CCDC60: variants seen among roughly 807,000 people sequenced by gnomAD.
CCDC60 encodes the protein coiled-coil domain containing 60.
Under a neutral mutation model 63.5 loss-of-function variants are expected in CCDC60, and 54 were observed. The ratio of observed to expected loss-of-function variants is 0.85; its 90% CI spans 0.68 to 1.07. The LOEUF (loss-of-function observed/expected upper bound fraction) is 1.07. Among genes scored for constraint, CCDC60 ranks in the 50% least tolerant of loss-of-function variants. CCDC60 has a pLI of 0.00. For synonymous variants in CCDC60, 206 were observed against 238.8 expected (o/e 0.86, Z 1.27); for missense variants, 651 against 684.3 (o/e 0.95, Z 0.54).
At chr12:119,451,821 A>C (rs1232374810) in intron 2 of CCDC60, among the ~76,000 whole-genome samples, 1 of 152,218 alleles carries the variant, frequency 6.6e-6, no homozygotes, top group Non-Finnish European at 1.5e-5. Context: ...AGAGATTTAG[A>C]TTAGATAAAT....
Position 119,472,156 on chromosome 12 carries a change from C to T in CCDC60, c.333C>T (p.Thr111=), listed in dbSNP as rs17482508. ...EKISEIHYGD[T]LLSTYDDEKL... is the part of the protein sequence containing the mutation. ...TCTCAGAAATCCACTATGGGGACACCTTATTGAGGTAAGTGGATGCAGTAG... is the reference window on the plus strand; with the variant it reads ...TCTCAGAAATCCACTATGGGGACACTTTATTGAGGTAAGTGGATGCAGTAG... The change falls in exon 3 of 14, where the codon ACC becomes ACT. Residue 111 remains threonine (T), a synonymous_variant. Coordinates refer to ENST00000327554, the MANE Select transcript of CCDC60 (RefSeq NM_178499.5). The T allele has an allele frequency of 0.029, 47,155 of 1,613,400 alleles. 865 individuals are homozygous for T. Among genetic ancestry groups the T allele is most frequent in the Non-Finnish European group, 0.034 (40,255 of 1,179,612 alleles).
chr12:119,535,639 A>G (rs964407573), intron 13 of CCDC60, among the ~76,000 whole-genome samples: 2 of 152,194 alleles, frequency 1.3e-5, no homozygotes, highest in African/African-American at 4.8e-5. Context: ...GGTTTCAAAG[A>G]ACATCTTTAT....
intron 9 of CCDC60, among the ~76,000 whole-genome samples, chr12:119,521,842 G>A (rs1952538519): frequency 6.6e-6 from 1 of 152,200 alleles, no homozygotes. Flanking sequence ...TTCATCTGCA[G>A]GGATTAGGGC....
At chr12:119,479,315 G>T in intron 4 of CCDC60, 114 bp downstream of exon 4, 1 of 690,770 alleles carries the variant, frequency 1.4e-6, no homozygotes, top group Non-Finnish European at 2.5e-6. Flanking sequence ...TCTTGAAAGG[G>T]ACATGGAGCC....
intron 7 of CCDC60, among the ~76,000 whole-genome samples, chr12:119,507,769 T>C (rs986027624): frequency 2.6e-5 from 4 of 151,432 alleles, no homozygotes; most frequent in Non-Finnish European, 5.9e-5. Context: ...TGATTCTTCT[T>C]TCATTTAACA....
At chr12:119,345,308 C>T (rs1955579851) in intron 1 of CCDC60, among the ~76,000 whole-genome samples, 1 of 152,100 alleles carries the variant, frequency 6.6e-6, no homozygotes, top group Admixed American at 6.5e-5. Context: ...TCGAGACCAG[C>T]CTGATCAACA....
At chr12:119,411,073 C>G (rs1037371135) in intron 1 of CCDC60, among the ~76,000 whole-genome samples, 56 of 152,216 alleles carry the variant, frequency 3.7e-4, no homozygotes, top group African/African-American at 1.3e-3. Context: ...AACATGGGAG[C>G]CTTCAGAAAT....
Position 119,428,744 on chromosome 12 carries a change from A to G in CCDC60, c.152A>G (p.Lys51Arg). The G allele has an allele frequency of 1.2e-6, 2 of 1,602,210 alleles. No individual in the cohort carries two copies. The highest frequency in any genetic ancestry group is 1.3e-5 in the African/African-American group (1 of 74,904). Reference sequence around the variant, plus strand: ...GACAAGGAAATAATAAACCTCAAAAAGGACCTTATACGAAGCCGGTGAGTG... The same window carrying G: ...GACAAGGAAATAATAAACCTCAAAAGGGACCTTATACGAAGCCGGTGAGTG... Reference protein sequence around the residue: ...YMDKEIINLKKDLIRSRFLIQ... With the variant: ...YMDKEIINLKRDLIRSRFLIQ... Residue 51 changes from lysine to arginine, a missense_variant, in exon 2 of 14, where the codon AAG (lysine) becomes AGG (arginine). By Grantham distance (26) the Lys-to-Arg change is conservative. Coordinates refer to ENST00000327554, the MANE Select transcript of CCDC60 (RefSeq NM_178499.5).
chr12:119,421,551 A>C (rs1956813603), intron 1 of CCDC60, among the ~76,000 whole-genome samples: 1 of 152,234 alleles, frequency 6.6e-6, no homozygotes. Flanking sequence ...TGGGAATAAT[A>C]ATATGGCAAG....
chr12:119,520,161 TATAAGG>T lies in CCDC60; in HGVS notation c.1011_1016del (p.Tyr337_Glu339delinsTer), dbSNP rs1360923929. 6.2e-7 allele frequency: 1 copy of T among 1,613,818 alleles called. No homozygotes were observed. The highest frequency in any genetic ancestry group is 8.5e-7 in the Non-Finnish European group (1 of 1,179,880). On this transcript the variant is annotated stop_gained and inframe_deletion, in exon 9 of 14. Transcript: ENST00000327554. LOFTEE classifies it high-confidence loss of function. Reference sequence around the variant, plus strand: ...GAAACAAAACAAGAGTAATTCTGCTTATAAGGAAATGCAGACCACTCTCAAATCAAG... The same window carrying T: ...GAAACAAAACAAGAGTAATTCTGCTTAAATGCAGACCACTCTCAAATCAAG...
At chr12:119,339,742 A>G (rs1955512627) in intron 1 of CCDC60, among the ~76,000 whole-genome samples, 1 of 152,230 alleles carries the variant, frequency 6.6e-6, no homozygotes, top group Admixed American at 6.5e-5. Flanking sequence ...CAGGAGGTCA[A>G]GGCTGCAGTG....
intron 1 of CCDC60, among the ~76,000 whole-genome samples, chr12:119,415,605 G>A (rs1284660150): frequency 2.0e-5 from 3 of 152,214 alleles, no homozygotes; most frequent in Admixed American, 6.5e-5. Flanking sequence ...AGAGGTCATC[G>A]GAGGCTGTGT....
chr12:119,490,720 A>G (rs1272244769), intron 5 of CCDC60, among the ~76,000 whole-genome samples: 1 of 151,848 alleles, frequency 6.6e-6, no homozygotes, highest in Non-Finnish European at 1.5e-5. Context: ...GAATGCCACC[A>G]CACCTGCCAT....
intron 11 of CCDC60, among the ~76,000 whole-genome samples, chr12:119,525,890 T>C (rs1352337389): frequency 6.6e-6 from 1 of 152,116 alleles, no homozygotes; most frequent in East Asian, 1.9e-4. Flanking sequence ...AAAAAGATAT[T>C]CTTCACAGAA....
At chr12:119,478,922 T>C (rs565692493) in intron 3 of CCDC60, among the ~76,000 whole-genome samples, 172 bp from the exon 4 acceptor site, 1 of 152,326 alleles carries the variant, frequency 6.6e-6, no homozygotes, top group East Asian at 1.9e-4. Context: ...GGGACTTTTA[T>C]ATGCTTTGTT....
intron 2 of CCDC60, among the ~76,000 whole-genome samples, chr12:119,438,174 G>A (rs898319420): frequency 6.6e-6 from 1 of 152,116 alleles, no homozygotes; most frequent in African/African-American, 2.4e-5. Flanking sequence ...CATAGTTTTA[G>A]GGTGAGTTTT....
intron 2 of CCDC60, among the ~76,000 whole-genome samples, chr12:119,441,852 C>T (rs1250436265): frequency 6.6e-6 from 1 of 152,094 alleles, no homozygotes; most frequent in Admixed American, 6.6e-5. Context: ...GCTATGAACA[C>T]TCTTATACTT....
intron 2 of CCDC60, among the ~76,000 whole-genome samples, chr12:119,445,433 C>CA (rs58415660): frequency 0.12 from 3,084 of 25,972 alleles, 251 homozygotes; most frequent in Non-Finnish European, 0.13. Context: ...GACTCCATCT[C>CA]AAAAAAAAAA....
At chr12:119,532,396 C>CTATTATTAATATTAT (rs1555257648) in intron 13 of CCDC60, among the ~76,000 whole-genome samples, 1 of 142,332 alleles carries the variant, frequency 7.0e-6, no homozygotes, top group Non-Finnish European at 1.5e-5. Flanking sequence ...CATCACAGAA[C>CTATTATTAATATTAT]TATTATTATT....
Sources: allele counts gnomAD v4.1 joint callset (sites outside exome capture counted in the v4.1 genomes callset), GRCh38; gene constraint gnomAD v4.1.1; transcripts MANE v1.5; gene names NCBI Gene and HGNC (gene_info 2026-07-23, HGNC 2026-07-21).